Variants in COPB1 observed in about 807,000 individuals in gnomAD.
COPB1 encodes coat protein complex I subunit beta 1, also known as coatomer subunit beta.
Under a neutral mutation model 108.7 loss-of-function variants are expected in COPB1, and 21 were observed. The ratio of observed to expected loss-of-function variants is 0.19; its 90% CI spans 0.14 to 0.28. The LOEUF (loss-of-function observed/expected upper bound fraction) is 0.28, where lower values mean the gene tolerates loss of function less well. Among genes scored for constraint, COPB1 ranks in the 10% least tolerant of loss-of-function variants. COPB1 has a pLI of 1.00. For synonymous variants in COPB1, 378 were observed against 386.8 expected (o/e 0.98, Z 0.27); for missense variants, 919 against 1,141.3 (o/e 0.81, Z 2.81).
At chr11:14,494,767 A>C (rs1402647088) in intron 2 of COPB1, 1 of 197,138 alleles carries the variant, frequency 5.1e-6, no homozygotes, top group Non-Finnish European at 1.0e-5. Context: ...AAACACATAT[A>C]GCTATTTTTC....
At chr11:14,486,546 G>A (rs781575649) in intron 6 of COPB1, 42 bp from the exon 7 acceptor site, 38 of 1,600,508 alleles carry the variant, frequency 2.4e-5, no homozygotes, top group South Asian at 2.1e-4. Flanking sequence ...TTTCAGGAAC[G>A]CTTGTTTTCA....
At chr11:14,471,930 A>AT (rs891790987) in intron 14 of COPB1, among the ~76,000 whole-genome samples, 21 of 151,698 alleles carry the variant, frequency 1.4e-4, no homozygotes, top group African/African-American at 4.8e-4. Context: ...CTAAAAAAAA[A>AT]TTTTTTTTTA....
In COPB1 at chr11:14,461,278, T is replaced by C. The variant is rs1850143652; in HGVS notation, c.2464A>G (p.Ile822Val). 6.2e-7 allele frequency: 1 copy of C among 1,614,044 alleles called. No homozygotes were observed. The change falls in exon 19 of 22, where the codon ATT becomes GTT. Residue 822 changes from isoleucine (I) to valine (V), a missense_variant. Ile to Val is a conservative substitution (Grantham distance 29). This residue lies in a region of COPB1 where 705 missense variants were observed against 817.8 expected (regional missense o/e 0.86). Transcript: ENST00000439561. ...ATATAGTCCATGATGTCGATGTGAA[T>C]ATCACTGAGAACCACACAATTTCTG... ...SDRNCVVLSD[I>V]HIDIMDYIQP...
At chr11:14,491,340 G>A (rs1052376845) in intron 4 of COPB1, among the ~76,000 whole-genome samples, 1 of 151,912 alleles carries the variant, frequency 6.6e-6, no homozygotes, top group African/African-American at 2.4e-5. Flanking sequence ...GAACCACCAC[G>A]CCCGGCCTGC....
At chr11:14,461,741 G>C (rs1386334998) in intron 18 of COPB1, among the ~76,000 whole-genome samples, 1 of 152,138 alleles carries the variant, frequency 6.6e-6, no homozygotes, top group African/African-American at 2.4e-5. Context: ...TGTTCCCATA[G>C]GAGGTACTTA....
chr11:14,479,238 T>A (rs937118269), intron 11 of COPB1, among the ~76,000 whole-genome samples: 1 of 152,204 alleles, frequency 6.6e-6, no homozygotes, highest in African/African-American at 2.4e-5. Context: ...TCAATCTTTC[T>A]CTTCATTAAA....
intron 21 of COPB1, 129 bp from the exon 22 acceptor site, chr11:14,458,012 C>A: frequency 2.2e-6 from 1 of 460,684 alleles, no homozygotes; most frequent in Non-Finnish European, 3.8e-6. Context: ...ACATACCAAA[C>A]AGACTTACCA....
rs536121575 is a variant in COPB1, at chr11:14,499,709, C to G, written c.-60G>C. On this transcript the variant is annotated splice_region_variant and 5_prime_UTR_variant, in exon 1 of 22. Transcript: ENST00000439561. Reference sequence around the variant, plus strand: ...TCTTCCGACTCTGCCCGACCCACCACGCCTCTGGGACTGGGGGCTTGTGGC... The same window carrying G: ...TCTTCCGACTCTGCCCGACCCACCAGGCCTCTGGGACTGGGGGCTTGTGGC... 1 of 152,472 alleles carries G rather than the reference C, an allele frequency of 6.6e-6. No individual in the cohort carries two copies. The highest frequency in any genetic ancestry group is 2.4e-5 in the African/African-American group (1 of 41,440). The allele number at this position is 152,472 out of a possible 1,614,324, so 9.4% of individuals were successfully genotyped here. A position where few individuals can be genotyped will look rare whatever the true frequency, so the allele number is the denominator to read the frequency against.
chr11:14,481,736 T>G (rs1850664264), intron 8 of COPB1, among the ~76,000 whole-genome samples: 1 of 152,064 alleles, frequency 6.6e-6, no homozygotes, highest in Non-Finnish European at 1.5e-5. Context: ...GTTCTAAGAG[T>G]GAACTCCTGT....
chr11:14,489,050 T>C (rs1850837369), intron 5 of COPB1, among the ~76,000 whole-genome samples: 1 of 152,240 alleles, frequency 6.6e-6, no homozygotes, highest in South Asian at 2.1e-4. Flanking sequence ...CCCCTCAATG[T>C]AGGTTAACAG....
chr11:14,482,541 T>A (rs957248072), intron 8 of COPB1, among the ~76,000 whole-genome samples: 4 of 146,592 alleles, frequency 2.7e-5, no homozygotes, highest in Non-Finnish European at 6.0e-5. Context: ...TAGAAAAACA[T>A]TTTTTTTTTT....
intron 14 of COPB1, among the ~76,000 whole-genome samples, chr11:14,470,818 A>G (rs1371043336): frequency 6.6e-6 from 1 of 152,088 alleles, no homozygotes; most frequent in African/African-American, 2.4e-5. Flanking sequence ...AGCAAACATG[A>G]AGAAAACCAC....
At position 14,461,197 on chromosome 11, in the gene COPB1, A is replaced by T; in HGVS notation, c.2545T>A (p.Trp849Arg). 6.2e-7 allele frequency: 1 copy of T among 1,614,156 alleles called. No homozygotes were observed. Among genetic ancestry groups the T allele is most frequent in the Non-Finnish European group, 8.5e-7 (1 of 1,180,022 alleles). ...TCCCAAGGACTAACTTTGTTTTCCCATTCAAATTCGGCCCACATCTGACGG... is the reference window on the plus strand; with the variant it reads ...TCCCAAGGACTAACTTTGTTTTCCCTTTCAAATTCGGCCCACATCTGACGG... ...EFRQMWAEFE[W>R]ENKVTVNTNM... Residue 849 changes from tryptophan to arginine, a missense_variant, in exon 19 of 22, where the codon TGG (tryptophan) becomes AGG (arginine). By Grantham distance (101) the Trp-to-Arg change is moderately radical. This residue lies in a region of COPB1 where 705 missense variants were observed against 817.8 expected (regional missense o/e 0.86). Transcript: ENST00000439561.
chr11:14,464,782 A>G, intron 18 of COPB1, 129 bp downstream of exon 18: 1 of 991,904 alleles, frequency 1.0e-6, no homozygotes, highest in Non-Finnish European at 1.5e-6. Flanking sequence ...GTGGTACCAT[A>G]GAGAGTATCT....
Position 14,472,735 on chromosome 11 carries a change from T to G in COPB1, c.1737+1760A>C, listed in dbSNP as rs149865703. On this transcript the variant is annotated intron_variant, in intron 14 of 21. Coordinates refer to ENST00000439561, the MANE Select transcript of COPB1 (RefSeq NM_001144061.2). ...TTCTCCATTAGGACTTGCTACTTCA[T>G]GTCAAACTTTTACATTATGAAGACG... 7.3e-4 allele frequency among the ~76,000 whole-genome samples: 111 copies of G among 152,336 alleles called. 1 individual carries two copies. Among genetic ancestry groups the G allele is most frequent in the African/African-American group, 2.5e-3 (102 of 41,582 alleles).
chr11:14,481,657 T>C (rs1243183722), intron 8 of COPB1, among the ~76,000 whole-genome samples: 1 of 152,236 alleles, frequency 6.6e-6, no homozygotes, highest in Admixed American at 6.5e-5. Flanking sequence ...TGTGATATTA[T>C]TTGACTCCAT....
chr11:14,474,558 G>A lies in COPB1; in HGVS notation c.1674C>T (p.Ala558=). The stretch of plus-strand genomic sequence containing the variant: ...GCAATGCAATCTTGGTCAGAGTTGT[G>A]GCAAGGGAGGCAGCAACAAAGAAAT... The part of the protein sequence containing the change: ...DGDFFVAASL[A]TTLTKIALRY... Residue 558 remains alanine, a synonymous_variant, in exon 14 of 22, where the codon GCC becomes GCT. Coordinates refer to ENST00000439561, the MANE Select transcript of COPB1 (RefSeq NM_001144061.2). 6.2e-7 allele frequency: 1 copy of A among 1,614,024 alleles called. No individual in the cohort carries two copies. The highest frequency in any genetic ancestry group is 8.5e-7 in the Non-Finnish European group (1 of 1,179,956).
At chr11:14,475,135 A>G (rs1308733712) in intron 13 of COPB1, among the ~76,000 whole-genome samples, 1 of 150,536 alleles carries the variant, frequency 6.6e-6, no homozygotes, top group East Asian at 1.9e-4. Context: ...CTTATCTTTG[A>G]ATGACACAAA....
At chr11:14,479,971 A>G (rs943719249) in intron 10 of COPB1, among the ~76,000 whole-genome samples, 1 of 152,004 alleles carries the variant, frequency 6.6e-6, no homozygotes, top group African/African-American at 2.4e-5. Context: ...TGCCTAGCTA[A>G]TATTAATTTT....
Sources: allele counts gnomAD v4.1 joint callset (sites outside exome capture counted in the v4.1 genomes callset), GRCh38; gene constraint gnomAD v4.1.1; regional missense constraint gnomAD v4.1.1; transcripts MANE v1.5; gene names NCBI Gene and HGNC (gene_info 2026-07-23, HGNC 2026-07-21).